The following HMCN1 variants were observed in gnomAD, a reference collection of about 807,000 sequenced individuals.
HMCN1 encodes the protein hemicentin-1.
A neutral mutation model predicts 625.9 loss-of-function variants in HMCN1; 321 were observed. That is an observed-to-expected ratio of 0.51 (90% CI 0.47 to 0.56). HMCN1 has a LOEUF of 0.56. Ranked by LOEUF, HMCN1 falls within the 20% of genes least tolerant of loss-of-function variation. The pLI, the probability that HMCN1 is intolerant of heterozygous loss-of-function variation, is 0.00. For missense variants in HMCN1, 6,588 were observed against 6,887.3 expected (o/e 0.96, Z 1.54); for synonymous variants, 2,425 against 2,417.6 (o/e 1.00, Z -0.09).
At chr1:185,960,368 A>G (rs1041120559) in intron 11 of HMCN1, among the ~76,000 whole-genome samples, 2 of 152,044 alleles carry the variant, frequency 1.3e-5, no homozygotes, top group African/African-American at 4.8e-5. Flanking sequence ...ACCTCAGTTG[A>G]TCTGCCCGCC....
intron 1 of HMCN1, among the ~76,000 whole-genome samples, chr1:185,820,404 T>G (rs1449000573): frequency 1.3e-5 from 2 of 152,132 alleles, no homozygotes; most frequent in African/African-American, 4.8e-5. Context: ...TCATTCATGT[T>G]TTTTTTAAAA....
At chr1:186,029,334 CA>C (rs1033542627) in intron 36 of HMCN1, among the ~76,000 whole-genome samples, 2 of 152,014 alleles carry the variant, frequency 1.3e-5, no homozygotes, top group Admixed American at 1.3e-4. Context: ...TTCTTGATCC[CA>C]GTTGTTTCTT....
intron 36 of HMCN1, among the ~76,000 whole-genome samples, chr1:186,024,094 C>A (rs992138251): frequency 2.0e-5 from 3 of 152,136 alleles, no homozygotes; most frequent in African/African-American, 2.4e-5. Flanking sequence ...TTTTCCCAGT[C>A]CCTGAAATAT....
chr1:185,846,108 C>T lies in HMCN1; in HGVS notation c.339+12C>T. 6.3e-7 allele frequency: 1 copy of T among 1,582,408 alleles called. No individual in the cohort carries two copies. Among genetic ancestry groups the T allele is most frequent in the Non-Finnish European group, 8.7e-7 (1 of 1,151,546 alleles). On this transcript the variant is annotated intron_variant, in intron 2 of 106. Coordinates refer to ENST00000271588, the MANE Select transcript of HMCN1 (RefSeq NM_031935.3). Reference sequence around the variant, plus strand: ...AACTGTATGTTCAGGTGAGTGCTTGCTTTCAGTGTTCTCTTGGGGGAATGG... The same window carrying T: ...AACTGTATGTTCAGGTGAGTGCTTGTTTTCAGTGTTCTCTTGGGGGAATGG...
chr1:186,186,966 A>T (rs1325265769), intron 105 of HMCN1, among the ~76,000 whole-genome samples: 2 of 147,950 alleles, frequency 1.4e-5, no homozygotes, highest in African/African-American at 2.5e-5. Flanking sequence ...TCCAACCATC[A>T]ATCAATCTCA....
intron 68 of HMCN1, among the ~76,000 whole-genome samples, chr1:186,097,776 G>A (rs780046529): frequency 6.6e-6 from 1 of 151,976 alleles, no homozygotes; most frequent in Non-Finnish European, 1.5e-5. Flanking sequence ...CAAAGCTGAA[G>A]GCAGCAGACT....
chr1:186,145,717 A>C, intron 92 of HMCN1, 36 bp from the exon 93 acceptor site: 1 of 1,611,082 alleles, frequency 6.2e-7, no homozygotes, highest in Non-Finnish European at 8.5e-7. Flanking sequence ...TTTGAAGCCA[A>C]TTTCTTAACA....
chr1:186,044,930 T>G (rs1656463543), intron 40 of HMCN1, among the ~76,000 whole-genome samples: 1 of 152,158 alleles, frequency 6.6e-6, no homozygotes, highest in African/African-American at 2.4e-5. Flanking sequence ...GGAAAGAGAT[T>G]CCTTAAACTT....
chr1:185,744,634 T>A (rs910655325), intron 1 of HMCN1, among the ~76,000 whole-genome samples: 1 of 152,342 alleles, frequency 6.6e-6, no homozygotes, highest in East Asian at 1.9e-4. Context: ...TGCTACCTTT[T>A]ATAGCAGAAG....
rs746042198 is a variant in HMCN1 at position 186,187,868 on chromosome 1, C to T, written c.16415-15C>T. ...CCTCACTGCTGATGCTGCATGTTCC[C>T]TGTGCTGTCCCTAGATATCGATGAA... On this transcript the variant is annotated splice_polypyrimidine_tract_variant and intron_variant, in intron 105 of 106. Coordinates refer to ENST00000271588, the MANE Select transcript of HMCN1 (RefSeq NM_031935.3). 3 of 1,613,574 alleles carry T rather than the reference C, an allele frequency of 1.9e-6. No homozygotes were observed. In the East Asian group the frequency reaches 6.7e-5, roughly 36 times the overall value.
rs1661304412 is a variant in HMCN1 at position 186,119,687 on chromosome 1, T to G, written c.11957-58T>G. On this transcript the variant is annotated intron_variant, in intron 78 of 106. Coordinates refer to ENST00000271588, the MANE Select transcript of HMCN1 (RefSeq NM_031935.3). ...GGTATTTTTAAGCTCATTACTACAA[T>G]AGACATGGTTTATTAACTAGTGCTA... is the stretch of plus-strand genomic sequence containing the variant. 23 of 1,552,702 alleles carry G rather than the reference T, an allele frequency of 1.5e-5. No individual in the cohort carries two copies. In the South Asian group the frequency reaches 2.5e-4, roughly 17 times the overall value.
At chr1:185,950,772 G>A (rs1299641361) in intron 11 of HMCN1, among the ~76,000 whole-genome samples, 5 of 151,890 alleles carry the variant, frequency 3.3e-5, no homozygotes, top group East Asian at 3.9e-4. Context: ...AGTAAAGAAA[G>A]CATGTTTGAG....
At chr1:185,751,230 G>C (rs533348147) in intron 1 of HMCN1, among the ~76,000 whole-genome samples, 10 of 151,880 alleles carry the variant, frequency 6.6e-5, no homozygotes, top group Non-Finnish European at 1.3e-4. Flanking sequence ...AAATCCTTTT[G>C]GTCTTTATTT....
At chr1:185,764,483 G>A (rs1013843805) in intron 1 of HMCN1, among the ~76,000 whole-genome samples, 6 of 152,108 alleles carry the variant, frequency 3.9e-5, no homozygotes, top group African/African-American at 1.4e-4. Context: ...TATTTACTGT[G>A]CTCCTCAAGA....
chr1:185,917,756 T>G (rs1666792213), intron 6 of HMCN1, among the ~76,000 whole-genome samples: 3 of 152,204 alleles, frequency 2.0e-5, no homozygotes, highest in Admixed American at 6.5e-5. Context: ...ACAGGCCTTC[T>G]TCGCCTTTAA....
chr1:185,750,206 C>T (rs1654703775), intron 1 of HMCN1, among the ~76,000 whole-genome samples: 2 of 152,204 alleles, frequency 1.3e-5, no homozygotes, highest in African/African-American at 4.8e-5. Flanking sequence ...AGTTTCCTGG[C>T]ATATAGAAGG....
rs186285486 is a variant in HMCN1, at chr1:185,757,670, C to G, written c.268+22623C>G. 7.5e-4 allele frequency among the ~76,000 whole-genome samples: 114 copies of G among 152,132 alleles called. 1 individual carries two copies. The highest frequency in any genetic ancestry group is 3.5e-4 in the Non-Finnish European group (24 of 67,998). ...TATGCTTATTTATTGTTTTCTTCCC[C>G]TAGAGTACAAGTTTCATCTATCTTA... On this transcript the variant is annotated intron_variant, in intron 1 of 106. Transcript: ENST00000271588.
chr1:185,850,394 G>C (rs185445895), intron 2 of HMCN1, among the ~76,000 whole-genome samples: 1 of 151,598 alleles, frequency 6.6e-6, no homozygotes, highest in Admixed American at 6.6e-5. Context: ...TTTTTCCTCC[G>C]TGACAATACA....
intron 1 of HMCN1, among the ~76,000 whole-genome samples, chr1:185,819,192 G>A (rs888538847): frequency 1.3e-5 from 2 of 149,084 alleles, no homozygotes; most frequent in South Asian, 2.1e-4. Context: ...AGCGGAGATC[G>A]CACCACTGCA....
Sources: allele counts gnomAD v4.1 joint callset (sites outside exome capture counted in the v4.1 genomes callset), GRCh38; gene constraint gnomAD v4.1.1; transcripts MANE v1.5; gene names NCBI Gene and HGNC (gene_info 2026-07-23, HGNC 2026-07-21).